SCRN1: variants seen among roughly 807,000 people sequenced by gnomAD.
SCRN1 encodes secernin-1.
In SCRN1, 19 loss-of-function variants were observed where a neutral mutation model predicts 43.3. The ratio of observed to expected loss-of-function variants is 0.44; its 90% confidence interval spans 0.31 to 0.64. SCRN1 has a LOEUF of 0.64. Among genes scored for constraint, SCRN1 ranks in the 30% least tolerant of loss-of-function variants. The probability of loss-of-function intolerance (pLI) is 0.09; values close to 1 mark genes in which losing one functional copy is unlikely to be tolerated. For missense variants in SCRN1, 447 were observed against 524.1 expected (o/e 0.85, Z 1.44); for synonymous variants, 183 against 188.9 (o/e 0.97, Z 0.26).
chr7:29,930,604 GC>G (rs1398819653), intron 6 of SCRN1, among the ~76,000 whole-genome samples: 7 of 152,176 alleles, frequency 4.6e-5, no homozygotes, highest in Admixed American at 2.0e-4. Flanking sequence ...TGCATGGGAC[GC>G]CCCCGAGTGT....
intron 6 of SCRN1, among the ~76,000 whole-genome samples, chr7:29,932,651 CAAAAAAAAA>C (rs1162835669): frequency 2.7e-3 from 22 of 8,020 alleles, no homozygotes; most frequent in Admixed American, 1.8e-3. Context: ...GATTCCATCT[CAAAAAAAAA>C]AAAAAAAAAA....
At position 29,965,720 on chromosome 7, in the gene SCRN1, A is replaced by T. The variant is rs1562818436; in HGVS notation, c.159+3189T>A. Among the ~76,000 whole-genome samples the T allele has an allele frequency of 6.6e-6, 1 of 152,132 alleles. No individual in the cohort carries two copies. The highest frequency in any genetic ancestry group is 1.5e-5 in the Non-Finnish European group (1 of 68,034). On this transcript the variant is annotated intron_variant, in intron 2 of 7. Coordinates refer to ENST00000242059, the MANE Select transcript of SCRN1 (RefSeq NM_014766.5). This position sits in a 1 kb window ranked among gnomAD's most constrained non-coding sequence, Gnocchi z 4.2. Reference sequence around the variant, plus strand: ...TTAGAGGCTAATTATGGTATATATCACACTATACTTATGTATGGAAGGGGA... The same window carrying T: ...TTAGAGGCTAATTATGGTATATATCTCACTATACTTATGTATGGAAGGGGA...
chr7:29,931,536 C>T (rs1787152843), intron 6 of SCRN1, among the ~76,000 whole-genome samples: 1 of 152,232 alleles, frequency 6.6e-6, no homozygotes, highest in South Asian at 2.1e-4. Context: ...CACTACCTCT[C>T]ACTCTTATAT....
intron 2 of SCRN1, among the ~76,000 whole-genome samples, chr7:29,963,931 T>C (rs1583684253): frequency 2.0e-5 from 3 of 152,234 alleles, no homozygotes; most frequent in Admixed American, 2.0e-4. Context: ...TGTTTAATAG[T>C]AGTATACATA....
intron 6 of SCRN1, among the ~76,000 whole-genome samples, chr7:29,934,167 C>G (rs1787248211): frequency 6.6e-6 from 1 of 152,206 alleles, no homozygotes; most frequent in Non-Finnish European, 1.5e-5. Context: ...CCAGAAGGGT[C>G]TTAATCTTCT....
intron 3 of SCRN1, chr7:29,947,202 G>A (rs2128091836): frequency 6.4e-7 from 1 of 1,550,486 alleles, no homozygotes; most frequent in Non-Finnish European, 8.7e-7. Flanking sequence ...CTGGGCCTGG[G>A]AATTAGATGC....
rs1280811925 is a variant in SCRN1, at chr7:29,926,558, T to G, written c.980A>C (p.Asp327Ala). The change falls in exon 7 of 8, where the codon GAT becomes GCT. Residue 327 changes from aspartate (D) to alanine (A), a missense_variant. Coordinates refer to ENST00000242059, the MANE Select transcript of SCRN1 (RefSeq NM_014766.5). ...VPKTQSPCFG[D>A]DDPAKKEPRF... is the part of the protein sequence containing the mutation. ...AGGCTCCTTTTTGGCAGGGTCGTCA[T>G]CCCCAAAACAGGGAGACTGTGTTTT... The G allele has an allele frequency of 6.2e-7, 1 of 1,614,126 alleles. No homozygotes were observed. Among genetic ancestry groups the G allele is most frequent in the Admixed American group, 1.7e-5 (1 of 60,028 alleles).
rs920111084 is a variant in SCRN1 at position 29,965,639 on chromosome 7, G to T, written c.159+3270C>A. On this transcript the variant is annotated intron_variant, in intron 2 of 7. Coordinates refer to ENST00000242059, the MANE Select transcript of SCRN1 (RefSeq NM_014766.5). The surrounding 1 kb of genome is among the most constrained non-coding windows in gnomAD (Gnocchi z 4.2). The stretch of plus-strand genomic sequence containing the variant: ...ACCTGCAGAATATGCAAGTGGGAAC[G>T]CAAAGAGGCAGCTCAAAACACAGGT... Among the ~76,000 whole-genome samples, 31 of 152,192 alleles carry T rather than the reference G, an allele frequency of 2.0e-4. No individual in the cohort carries two copies. Among genetic ancestry groups the T allele is most frequent in the Admixed American group, 1.9e-3 (29 of 15,286 alleles).
In SCRN1 at chr7:29,921,840, C is replaced by T. The variant is rs1453161449; in HGVS notation, c.*2117G>A. On this transcript the variant is annotated 3_prime_UTR_variant, in exon 8 of 8. Coordinates refer to ENST00000242059, the MANE Select transcript of SCRN1 (RefSeq NM_014766.5). The stretch of plus-strand genomic sequence containing the variant: ...GAGGCTTCTGTGTAATTAATTCTTA[C>T]TAGACTTCTTTTGATCAAATCCTGA... 1 of 152,214 alleles carries T rather than the reference C, an allele frequency of 6.6e-6. No individual in the cohort carries two copies. The highest frequency in any genetic ancestry group is 2.4e-5 in the African/African-American group (1 of 41,452). The allele number at this position is 152,214 out of a possible 1,614,324, so 9.4% of individuals were successfully genotyped here.
intron 2 of SCRN1, among the ~76,000 whole-genome samples, chr7:29,957,911 G>T (rs1788187802): frequency 6.6e-6 from 1 of 152,154 alleles, no homozygotes; most frequent in African/African-American, 2.4e-5. Context: ...AACTACAAGG[G>T]CTTAATACAG....
intron 2 of SCRN1, among the ~76,000 whole-genome samples, chr7:29,964,819 G>A (rs1370988939): frequency 6.6e-6 from 1 of 152,114 alleles, no homozygotes; most frequent in Non-Finnish European, 1.5e-5. Context: ...GTGGGCACCT[G>A]TAATCCCAGC....
intron 5 of SCRN1, among the ~76,000 whole-genome samples, chr7:29,937,453 AT>A (rs1348443504): frequency 1.3e-5 from 2 of 151,970 alleles, no homozygotes; most frequent in Admixed American, 6.6e-5. Context: ...ATAACCTACT[AT>A]TTTTTTTAAG....
chr7:29,989,647 G>A lies in SCRN1; in HGVS notation c.-7C>T, dbSNP rs1259162920. 1.0e-6 allele frequency: 1 copy of A among 985,604 alleles called. No individual in the cohort carries two copies. The highest frequency in any genetic ancestry group is 1.1e-4 in the East Asian group (1 of 8,832). 61.1% of individuals were successfully genotyped at this position (985,604 alleles called of 1,614,324 possible). ...CGCTCCCAGACGCGGCTCACCTGGG[G>A]CGGCGGGCTCCGGGCTCCGCTCTCC... On this transcript the variant is annotated 5_prime_UTR_variant, in exon 1 of 8. Coordinates refer to ENST00000242059, the MANE Select transcript of SCRN1 (RefSeq NM_014766.5).
chr7:29,983,599 A>G (rs1341249948), intron 1 of SCRN1, among the ~76,000 whole-genome samples: 1 of 152,220 alleles, frequency 6.6e-6, no homozygotes, highest in Non-Finnish European at 1.5e-5. Context: ...AGCTATCAAC[A>G]TATAAATAGG....
intron 3 of SCRN1, among the ~76,000 whole-genome samples, chr7:29,948,977 T>C (rs1239403834): frequency 6.6e-6 from 1 of 152,180 alleles, no homozygotes; most frequent in Non-Finnish European, 1.5e-5. Flanking sequence ...CTCATCCATG[T>C]TGAGGCCCAG....
chr7:29,978,430 C>T (rs1232884229), intron 1 of SCRN1, among the ~76,000 whole-genome samples: 4 of 152,116 alleles, frequency 2.6e-5, no homozygotes, highest in Admixed American at 6.6e-5. Context: ...CTCTCTGACA[C>T]GGAGGCCAAT....
chr7:29,969,386 A>G (rs1275342042), intron 1 of SCRN1: 2 of 370,828 alleles, frequency 5.4e-6, no homozygotes, highest in African/African-American at 2.0e-5. Flanking sequence ...ACACAGACAC[A>G]CACCACACAT....
Position 29,955,325 on chromosome 7 carries a change from G to T in SCRN1, c.195C>A (p.Thr65=), listed in dbSNP as rs1180798541. 9 of 1,613,676 alleles carry T rather than the reference G, an allele frequency of 5.6e-6. No individual in the cohort carries two copies. Among genetic ancestry groups the T allele is most frequent in the Non-Finnish European group, 7.6e-6 (9 of 1,179,950 alleles). ...CGGGTCTGCTTATCATTATGGCATA[G>T]GTCCTTGGAACTTGGTCGATTGAAA... is the stretch of plus-strand genomic sequence containing the variant. ...TYISIDQVPR[T]YAIMISRPAW... is the part of the protein sequence containing the mutation. Residue 65 remains threonine, a synonymous_variant, in exon 3 of 8, where the codon ACC becomes ACA. Coordinates refer to ENST00000242059, the MANE Select transcript of SCRN1 (RefSeq NM_014766.5).
intron 6 of SCRN1, among the ~76,000 whole-genome samples, chr7:29,931,349 T>C (rs999234901): frequency 1.1e-4 from 17 of 152,224 alleles, no homozygotes; most frequent in Non-Finnish European, 2.4e-4. Context: ...GAGTACCAGA[T>C]GCTGTTCTAG....
Sources: allele counts gnomAD v4.1 joint callset (sites outside exome capture counted in the v4.1 genomes callset), GRCh38; gene constraint gnomAD v4.1.1; non-coding constraint Gnocchi (gnomAD v3.1); transcripts MANE v1.5; gene names NCBI Gene and HGNC (gene_info 2026-07-23, HGNC 2026-07-21).